Variants in SMYD3 observed in about 807,000 individuals in gnomAD.
The protein encoded by SMYD3 is SET and MYND domain containing 3.
A neutral mutation model predicts 57.7 loss-of-function variants in SMYD3; 36 were observed. The ratio of observed to expected loss-of-function variants is 0.62; its 90% CI spans 0.48 to 0.82. SMYD3 has a LOEUF of 0.82. Among genes scored for constraint, SMYD3 ranks in the 40% least tolerant of loss-of-function variants. The pLI, the probability that SMYD3 is intolerant of heterozygous loss-of-function variation, is 0.00. For missense variants in SMYD3, 515 were observed against 538.8 expected (o/e 0.96, Z 0.44); for synonymous variants, 211 against 195.0 (o/e 1.08, Z -0.68).
At chr1:246,306,151 C>A (rs1425683870) in intron 5 of SMYD3, 3 of 152,166 alleles carry the variant, frequency 2.0e-5, no homozygotes, top group Admixed American at 6.5e-5. Flanking sequence ...CCAGCCAGGA[C>A]AACATGACGA....
intron 5 of SMYD3, among the ~76,000 whole-genome samples, chr1:246,036,019 G>A (rs2059767163): frequency 6.6e-6 from 1 of 152,182 alleles, no homozygotes; most frequent in Non-Finnish European, 1.5e-5. Context: ...CCAGTTGAAA[G>A]TGCAAATGAC....
chr1:245,846,937 T>C (rs1165766621), intron 10 of SMYD3, among the ~76,000 whole-genome samples: 1 of 152,220 alleles, frequency 6.6e-6, no homozygotes, highest in East Asian at 1.9e-4. Context: ...GTGTCCTTTA[T>C]GCAGGAAGAG....
At chr1:246,144,643 A>G (rs2061814607) in intron 5 of SMYD3, among the ~76,000 whole-genome samples, 1 of 152,212 alleles carries the variant, frequency 6.6e-6, no homozygotes, top group South Asian at 2.1e-4. Flanking sequence ...GGAGCATATC[A>G]TAATTTAATT....
intron 5 of SMYD3, among the ~76,000 whole-genome samples, chr1:246,307,413 CTTTTTTTTT>C (rs869254416): frequency 1.0e-5 from 1 of 96,068 alleles, no homozygotes; most frequent in African/African-American, 4.0e-5. Context: ...TTAGGGGATT[CTTTTTTTTT>C]TTTTTTTTTT....
At chr1:246,152,150 T>A (rs1005732660) in intron 5 of SMYD3, among the ~76,000 whole-genome samples, 1 of 152,036 alleles carries the variant, frequency 6.6e-6, no homozygotes, top group Admixed American at 6.5e-5. Context: ...AAAACAAACA[T>A]GAAAGTGCCT....
chr1:246,205,720 T>G (rs2062989516), intron 5 of SMYD3, among the ~76,000 whole-genome samples: 1 of 150,530 alleles, frequency 6.6e-6, no homozygotes, highest in Admixed American at 6.6e-5. Context: ...CTCGGGAAGC[T>G]GAGGCAGGAG....
intron 1 of SMYD3, among the ~76,000 whole-genome samples, chr1:246,370,755 C>T (rs377078030): frequency 6.6e-6 from 1 of 152,198 alleles, no homozygotes; most frequent in South Asian, 2.1e-4. Flanking sequence ...AAAGCTACAT[C>T]TACGTGTGTC....
chr1:246,507,221 C>G lies in SMYD3; in HGVS notation c.-4G>C, dbSNP rs774688863. ...TTTCCACCTTCAGCGGCTCCATCCT[C>G]CCGCAGCTCCGGCACCTCAGACGGC... is the stretch of plus-strand genomic sequence containing the variant. On this transcript the variant is annotated 5_prime_UTR_variant, in exon 1 of 12. Transcript: ENST00000490107. 17 of 1,515,000 alleles carry G rather than the reference C, an allele frequency of 1.1e-5. No individual in the cohort carries two copies. The highest frequency in any genetic ancestry group is 1.4e-5 in the Non-Finnish European group (16 of 1,129,238). 93.8% of individuals were successfully genotyped at this position (1,515,000 alleles called of 1,614,324 possible). A position where few individuals can be genotyped will look rare whatever the true frequency, so the allele number is the denominator to read the frequency against.
intron 1 of SMYD3, among the ~76,000 whole-genome samples, chr1:246,490,885 G>T (rs2068258479): frequency 6.6e-6 from 1 of 152,028 alleles, no homozygotes; most frequent in Non-Finnish European, 1.5e-5. Context: ...TAAATAAATG[G>T]TCTTTTAAAA....
At chr1:246,212,068 T>A (rs1341869050) in intron 5 of SMYD3, among the ~76,000 whole-genome samples, 4 of 152,128 alleles carry the variant, frequency 2.6e-5, no homozygotes, top group Non-Finnish European at 5.9e-5. Flanking sequence ...TTTATTTTTT[T>A]AAAACACTCA....
chr1:245,764,197 A>T (rs547562708), intron 10 of SMYD3, 48 bp from the exon 11 acceptor site: 14 of 1,301,154 alleles, frequency 1.1e-5, no homozygotes, highest in Non-Finnish European at 1.6e-5. Context: ...TCACCTTTGC[A>T]GTCAGCATTT....
chr1:246,324,148 C>T (rs993683133), intron 5 of SMYD3, among the ~76,000 whole-genome samples: 3 of 152,160 alleles, frequency 2.0e-5, no homozygotes, highest in African/African-American at 7.2e-5. Flanking sequence ...GGTGCGGTAG[C>T]TCACGTCTGT....
intron 5 of SMYD3, among the ~76,000 whole-genome samples, chr1:246,230,189 A>G (rs987288301): frequency 2.0e-5 from 3 of 152,198 alleles, no homozygotes; most frequent in Non-Finnish European, 4.4e-5. Flanking sequence ...ACTACATGCT[A>G]TTCTGTATAT....
chr1:245,802,798 C>CATT (rs2047936729), intron 10 of SMYD3, among the ~76,000 whole-genome samples: 1 of 152,206 alleles, frequency 6.6e-6, no homozygotes, highest in South Asian at 2.1e-4. Flanking sequence ...ATGGAATAAT[C>CATT]GGAAGACAGA....
chr1:246,345,097 A>G (rs557336307), intron 2 of SMYD3, among the ~76,000 whole-genome samples: 2 of 152,150 alleles, frequency 1.3e-5, no homozygotes, highest in South Asian at 2.1e-4. Context: ...CAATTTATCA[A>G]TTTTTCTTGG....
rs373795066 is a variant in SMYD3 at position 246,255,985 on chromosome 1, G to C, written c.531+71216C>G. 2.0e-3 allele frequency among the ~76,000 whole-genome samples: 286 copies of C among 144,670 alleles called. 1 individual carries two copies. The highest frequency in any genetic ancestry group is 6.6e-3 in the African/African-American group (257 of 39,216). The allele number at this position is 144,670 out of a possible 152,430, so 94.9% of individuals were successfully genotyped here. On this transcript the variant is annotated intron_variant, in intron 5 of 11. Transcript: ENST00000490107. ...AGATAGATAGATAGATAGATAGATA[G>C]ATACACACACACATACATACATACA...
intron 1 of SMYD3, among the ~76,000 whole-genome samples, chr1:246,428,983 T>C (rs1428117962): frequency 8.6e-6 from 1 of 116,758 alleles, no homozygotes; most frequent in East Asian, 2.7e-4. Flanking sequence ...TGTACTCATA[T>C]AAAAGGGGAG....
At chr1:246,051,120 T>C (rs72770862) in intron 5 of SMYD3, among the ~76,000 whole-genome samples, 24,771 of 148,760 alleles carry the variant, frequency 0.17, 2,538 homozygotes, top group East Asian at 0.39. Context: ...TAACTTCTTT[T>C]TTTTTCTTAC....
rs552623380 is a variant in SMYD3 at position 246,156,704 on chromosome 1, A to T, written c.531+170497T>A. On this transcript the variant is annotated intron_variant, in intron 5 of 11. Coordinates refer to ENST00000490107, the MANE Select transcript of SMYD3 (RefSeq NM_001167740.2). ...AAATGCTGTGTTTCCTAAAATATCT[A>T]CAAGGTGTTTTGGGGAGCAAAGAAA... Among the ~76,000 whole-genome samples, 4 of 152,320 alleles carry T rather than the reference A, an allele frequency of 2.6e-5. No individual in the cohort carries two copies. In the East Asian group the frequency reaches 7.7e-4, roughly 29 times the overall value.
Sources: allele counts gnomAD v4.1 joint callset (sites outside exome capture counted in the v4.1 genomes callset), GRCh38; gene constraint gnomAD v4.1.1; transcripts MANE v1.5; gene names NCBI Gene and HGNC (gene_info 2026-07-23, HGNC 2026-07-21).